NCALD: variants seen among roughly 807,000 people sequenced by gnomAD.
The protein encoded by NCALD is neurocalcin delta, also known as neurocalcin-delta.
A neutral mutation model predicts 18.6 loss-of-function variants in NCALD; 10 were observed. That is an observed-to-expected ratio of 0.54 (90% CI 0.33 to 0.91). The LOEUF is 0.91. Among genes scored for constraint, NCALD ranks in the 40% least tolerant of loss-of-function variants. The pLI, the probability that NCALD is intolerant of heterozygous loss-of-function variation, is 0.03. For missense variants in NCALD, 184 were observed against 247.6 expected (o/e 0.74, Z 1.72); for synonymous variants, 88 against 87.4 (o/e 1.01, Z -0.04).
intron 1 of NCALD, among the ~76,000 whole-genome samples, chr8:101,745,048 G>A (rs75612378): frequency 6.7e-6 from 1 of 149,328 alleles, no homozygotes; most frequent in Non-Finnish European, 1.5e-5. Context: ...GGGGTAGGGT[G>A]GGGGGGACTA....
At chr8:102,004,929 A>G (rs1460913880) in intron 2 of NCALD, among the ~76,000 whole-genome samples, 1 of 152,248 alleles carries the variant, frequency 6.6e-6, no homozygotes, top group African/African-American at 2.4e-5. Flanking sequence ...TAAAAATCCT[A>G]GAAGAAAACC....
chr8:101,894,144 G>C (rs1239547660), intron 3 of NCALD, among the ~76,000 whole-genome samples: 3 of 140,662 alleles, frequency 2.1e-5, no homozygotes, highest in Non-Finnish European at 4.5e-5. Flanking sequence ...TAAAAGAACA[G>C]AAATTATAAC....
At chr8:101,702,098 G>A (rs138269479) in intron 2 of NCALD, among the ~76,000 whole-genome samples, 3 of 152,142 alleles carry the variant, frequency 2.0e-5, no homozygotes, top group Non-Finnish European at 4.4e-5. Context: ...CTTTTCAACC[G>A]AGCAGTTCCA....
intron 1 of NCALD, among the ~76,000 whole-genome samples, chr8:102,022,679 C>T (rs1182746268): frequency 6.6e-6 from 1 of 152,146 alleles, no homozygotes. Flanking sequence ...TAAGCCAAGC[C>T]CTTAGAGTCT....
intron 1 of NCALD, among the ~76,000 whole-genome samples, chr8:101,767,052 C>T (rs973822889): frequency 3.9e-5 from 6 of 152,090 alleles, no homozygotes; most frequent in Admixed American, 6.5e-5. Context: ...ATTTTATTCT[C>T]AGTTGAGTTT....
At chr8:102,118,998 C>T (rs1825869653) in intron 1 of NCALD, among the ~76,000 whole-genome samples, 1 of 152,180 alleles carries the variant, frequency 6.6e-6, no homozygotes. Context: ...ATGGTACCAC[C>T]GTGGAAAACA....
intron 4 of NCALD, among the ~76,000 whole-genome samples, chr8:101,838,093 A>G (rs1814488849): frequency 6.6e-6 from 1 of 152,240 alleles, no homozygotes; most frequent in Non-Finnish European, 1.5e-5. Context: ...AATACAGTGT[A>G]TTAATATAAC....
intron 4 of NCALD, among the ~76,000 whole-genome samples, chr8:101,870,777 T>A (rs762412942): frequency 1.9e-4 from 29 of 152,124 alleles, no homozygotes; most frequent in Non-Finnish European, 3.4e-4. Context: ...GGCCCACAGG[T>A]CAGCCTCTAC....
intron 1 of NCALD, among the ~76,000 whole-genome samples, chr8:101,767,422 A>C (rs1484639180): frequency 2.0e-5 from 3 of 152,218 alleles, no homozygotes; most frequent in Non-Finnish European, 4.4e-5. Context: ...AGGTCTTAGG[A>C]TGACAATAAA....
chr8:101,801,267 T>C (rs892811562), intron 4 of NCALD, among the ~76,000 whole-genome samples: 2 of 152,150 alleles, frequency 1.3e-5, no homozygotes, highest in Non-Finnish European at 1.5e-5. Context: ...AAAGTCTTAA[T>C]TTAAAACATC....
chr8:102,036,933 A>G (rs746479924), intron 1 of NCALD, among the ~76,000 whole-genome samples: 42 of 152,222 alleles, frequency 2.8e-4, no homozygotes, highest in Non-Finnish European at 5.6e-4. Flanking sequence ...AAAGATTAAT[A>G]TATTTTGATC....
intron 1 of NCALD, among the ~76,000 whole-genome samples, chr8:101,787,543 A>G (rs558549108): frequency 7.2e-5 from 11 of 152,296 alleles, no homozygotes; most frequent in African/African-American, 2.4e-4. Flanking sequence ...GACCAACTGC[A>G]AAGTTACGCT....
intron 4 of NCALD, among the ~76,000 whole-genome samples, chr8:101,811,495 T>C (rs912549778): frequency 2.6e-5 from 4 of 152,158 alleles, no homozygotes; most frequent in African/African-American, 9.7e-5. Flanking sequence ...TACACTAAAT[T>C]TGCATTGTTT....
At chr8:102,036,310 T>A (rs1274155695) in intron 1 of NCALD, among the ~76,000 whole-genome samples, 13 of 147,618 alleles carry the variant, frequency 8.8e-5, no homozygotes, top group African/African-American at 1.2e-4. Context: ...AGAAAAAAAA[T>A]AAATAAATAA....
chr8:102,002,762 T>G (rs571117078), intron 2 of NCALD, among the ~76,000 whole-genome samples: 2 of 152,166 alleles, frequency 1.3e-5, no homozygotes. Context: ...CTGAACAACC[T>G]GCTCCTGAAT....
intron 1 of NCALD, among the ~76,000 whole-genome samples, chr8:101,758,826 T>C (rs2040217): frequency 0.76 from 116,112 of 151,862 alleles, 44,474 homozygotes; most frequent in East Asian, 0.84. Context: ...ACAGGATGTG[T>C]AAAATACTTT....
chr8:101,882,373 C>A (rs141752913), intron 4 of NCALD, among the ~76,000 whole-genome samples: 363 of 152,112 alleles, frequency 2.4e-3, no homozygotes, highest in Non-Finnish European at 3.4e-3. Context: ...AAAAGAGACC[C>A]CAGGGTCTCT....
chr8:101,872,924 G>C (rs1228471998), intron 4 of NCALD, among the ~76,000 whole-genome samples: 4 of 152,198 alleles, frequency 2.6e-5, no homozygotes, highest in Non-Finnish European at 4.4e-5. Flanking sequence ...ATATGAGAGA[G>C]AGACTCCGAA....
At chr8:102,089,778 G>A (rs1824862472) in intron 1 of NCALD, among the ~76,000 whole-genome samples, 1 of 152,182 alleles carries the variant, frequency 6.6e-6, no homozygotes, top group Non-Finnish European at 1.5e-5. Context: ...TAAACAAGTT[G>A]TAGAAGGTTT....
Sources: allele counts gnomAD v4.1 joint callset (sites outside exome capture counted in the v4.1 genomes callset), GRCh38; gene constraint gnomAD v4.1.1; transcripts MANE v1.5; gene names NCBI Gene and HGNC (gene_info 2026-07-23, HGNC 2026-07-21).